The following SLC5A1 variants were observed in gnomAD, a reference collection of about 807,000 sequenced individuals.
SLC5A1 encodes solute carrier family 5 member 1.
A neutral mutation model predicts 73.5 loss-of-function variants in SLC5A1; 42 were observed. The observed-to-expected ratio is 0.57, with a 90% CI of 0.45 to 0.74. The LOEUF (loss-of-function observed/expected upper bound fraction) is 0.74. Among genes scored for constraint, SLC5A1 ranks in the 30% least tolerant of loss-of-function variants. The probability of loss-of-function intolerance (pLI) is 0.00; values close to 1 mark genes in which losing one functional copy is unlikely to be tolerated. For missense variants in SLC5A1, 634 were observed against 855.4 expected, an observed-to-expected ratio of 0.74 and a Z score of 3.23; for synonymous variants, 300 against 317.4, an observed-to-expected ratio of 0.95 and a Z score of 0.58.
chr22:32,109,749 C>G (rs1422625179), intron 14 of SLC5A1, among the ~76,000 whole-genome samples: 1 of 152,098 alleles, frequency 6.6e-6, no homozygotes, highest in Non-Finnish European at 1.5e-5. Context: ...AGAGATAAAA[C>G]TTAGACTAGC....
At chr22:32,060,048 CACACAT>C (rs1285375319) in intron 2 of SLC5A1, among the ~76,000 whole-genome samples, 64 of 142,514 alleles carry the variant, frequency 4.5e-4, no homozygotes, top group African/African-American at 1.1e-3. Flanking sequence ...CACACACACA[CACACAT>C]ATATACACAC....
At chr22:32,075,240 G>T (rs966468320) in intron 5 of SLC5A1, among the ~76,000 whole-genome samples, 1 of 151,842 alleles carries the variant, frequency 6.6e-6, no homozygotes, top group Admixed American at 6.6e-5. Flanking sequence ...TCCATTTTAT[G>T]GGAGAGAAAA....
chr22:32,106,975 T>C (rs1363481454), intron 14 of SLC5A1, among the ~76,000 whole-genome samples: 1 of 152,198 alleles, frequency 6.6e-6, no homozygotes, highest in Admixed American at 6.5e-5. Flanking sequence ...CATTTGGTCT[T>C]ATCATCTCAT....
At chr22:32,073,617 C>T (rs925182474) in intron 5 of SLC5A1, among the ~76,000 whole-genome samples, 2 of 152,050 alleles carry the variant, frequency 1.3e-5, no homozygotes, top group South Asian at 2.1e-4. Context: ...AGTACTGTGG[C>T]GCGATCTTGG....
chr22:32,110,502 A>G lies in SLC5A1; in HGVS notation c.*289A>G, dbSNP rs950004823. The G allele has an allele frequency of 1.1e-5, 5 of 475,844 alleles. No individual in the cohort carries two copies. Among genetic ancestry groups the G allele is most frequent in the South Asian group, 4.1e-5 (2 of 48,700 alleles). The allele number at this position is 475,844 out of a possible 1,614,324, so 29.5% of individuals were successfully genotyped here. A position where few individuals can be genotyped will look rare whatever the true frequency, so the allele number is the denominator to read the frequency against. On this transcript the variant is annotated 3_prime_UTR_variant, in exon 15 of 15. Coordinates refer to ENST00000266088, the MANE Select transcript of SLC5A1 (RefSeq NM_000343.4). ...CTAAGAATCAGAAGCCATGTGATTG[A>G]TGTCTGACGTGAGTCTGTCTCAGGT...
At chr22:32,101,974 T>C (rs752011413) in intron 12 of SLC5A1, 48 bp from the exon 13 acceptor site, 8 of 1,414,806 alleles carry the variant, frequency 5.7e-6, no homozygotes, top group Non-Finnish European at 8.0e-6. Flanking sequence ...AGAAAGGCCA[T>C]CTGTTTTGTG....
At chr22:32,109,471 G>T (rs143661437) in intron 14 of SLC5A1, among the ~76,000 whole-genome samples, 1 of 152,146 alleles carries the variant, frequency 6.6e-6, no homozygotes, top group African/African-American at 2.4e-5. Flanking sequence ...TTGCTGCGCC[G>T]CAACAGGAGC....
intron 5 of SLC5A1, among the ~76,000 whole-genome samples, chr22:32,075,803 C>T (rs1295812002): frequency 3.3e-5 from 5 of 151,966 alleles, no homozygotes; most frequent in Admixed American, 6.6e-5. Flanking sequence ...GCTTTGTCTT[C>T]GTAAATTCGG....
chr22:32,075,942 T>C (rs1036850995), intron 5 of SLC5A1, among the ~76,000 whole-genome samples: 1 of 151,996 alleles, frequency 6.6e-6, no homozygotes, highest in African/African-American at 2.4e-5. Context: ...CAAAAGAAAA[T>C]AACTGTTCAT....
At chr22:32,078,166 AT>A (rs1302446168) in intron 5 of SLC5A1, among the ~76,000 whole-genome samples, 1 of 152,224 alleles carries the variant, frequency 6.6e-6, no homozygotes, top group Non-Finnish European at 1.5e-5. Context: ...TTAGAAAGCC[AT>A]TTAAAAATCC....
Position 32,081,849 on chromosome 22 carries a change from C to CT in SLC5A1, c.478-16dup. The CT allele has an allele frequency of 7.0e-6, 11 of 1,570,956 alleles. No homozygotes were observed. Among genetic ancestry groups the CT allele is most frequent in the Non-Finnish European group, 9.6e-6 (11 of 1,141,392 alleles). ...TGACCACTCTCCCTCCTAACTCCGCCTCTCCTCTCCTTCCAGGCAGACATC... is the reference window on the plus strand; with the variant it reads ...TGACCACTCTCCCTCCTAACTCCGCCTTCTCCTCTCCTTCCAGGCAGACATC... On this transcript the variant is annotated splice_polypyrimidine_tract_variant and intron_variant, in intron 5 of 14. Coordinates refer to ENST00000266088, the MANE Select transcript of SLC5A1 (RefSeq NM_000343.4).
chr22:32,048,947 G>A (rs1410656926), intron 1 of SLC5A1, among the ~76,000 whole-genome samples: 1 of 151,934 alleles, frequency 6.6e-6, no homozygotes, highest in Non-Finnish European at 1.5e-5. Context: ...GCACATGCCT[G>A]TAGTCCCAGC....
intron 2 of SLC5A1, among the ~76,000 whole-genome samples, chr22:32,054,845 T>C (rs1001754588): frequency 3.9e-5 from 6 of 152,086 alleles, no homozygotes; most frequent in African/African-American, 1.4e-4. Context: ...GCTAATTTTT[T>C]TGTATTTTTA....
chr22:32,066,414 T>A (rs1027031598), intron 2 of SLC5A1, among the ~76,000 whole-genome samples: 18 of 152,202 alleles, frequency 1.2e-4, no homozygotes, highest in Non-Finnish European at 1.5e-5. Flanking sequence ...CACTTGCAAA[T>A]CATCAGCTCC....
At chr22:32,090,100 C>T (rs375833213) in intron 10 of SLC5A1, among the ~76,000 whole-genome samples, 1 of 105,552 alleles carries the variant, frequency 9.5e-6, no homozygotes, top group African/African-American at 3.2e-5. Flanking sequence ...CCTTGTCTTT[C>T]AAAAAAAAAA....
rs1332266269 is a variant in SLC5A1 at position 32,090,406 on chromosome 22, GT to G, written c.1130-1199del. Among the ~76,000 whole-genome samples, 9 of 152,160 alleles carry G rather than the reference GT, an allele frequency of 5.9e-5. No homozygotes were observed. In the South Asian group the frequency reaches 1.5e-3, roughly 25 times the overall value. On this transcript the variant is annotated intron_variant, in intron 10 of 14. Transcript: ENST00000266088. The stretch of plus-strand genomic sequence containing the variant: ...ATATAAATAGAATCATATAATACGT[GT>G]TTTTTTGTGACTTGCTTCTTTTACT...
At chr22:32,086,645 A>G (rs750100542) in intron 10 of SLC5A1, among the ~76,000 whole-genome samples, 43 of 152,204 alleles carry the variant, frequency 2.8e-4, no homozygotes, top group Admixed American at 5.2e-4. Context: ...GCTCTCCAAC[A>G]GTGGATGTAA....
intron 2 of SLC5A1, among the ~76,000 whole-genome samples, chr22:32,051,662 C>CA (rs1292028287): frequency 6.6e-6 from 1 of 151,964 alleles, no homozygotes; most frequent in Non-Finnish European, 1.5e-5. Context: ...TTTCAAACAA[C>CA]AACAACAACA....
At chr22:32,092,275 T>C (rs2094019196) in intron 11 of SLC5A1, among the ~76,000 whole-genome samples, 1 of 152,220 alleles carries the variant, frequency 6.6e-6, no homozygotes, top group Non-Finnish European at 1.5e-5. Context: ...ATGCCATTAA[T>C]TCGTTCCTTT....
Sources: gnomAD v4.1 joint callset for allele counts (sites outside exome capture counted in the v4.1 genomes callset) on GRCh38, gnomAD v4.1.1 for gene constraint, MANE v1.5 for transcripts, NCBI Gene and HGNC (gene_info 2026-07-23, HGNC 2026-07-21) for gene names.